The following CDKN2B-AS1 variants were observed in gnomAD, a reference collection of about 807,000 sequenced individuals.
The protein encoded by CDKN2B-AS1 is CDKN2B antisense RNA 1 (non-protein coding).
chr9:22,008,791 C>A (rs1208471868), intron 1 of CDKN2B-AS1: 1 of 1,606,774 alleles, frequency 6.2e-7, no homozygotes, highest in Non-Finnish European at 8.5e-7. Flanking sequence ...CCTGGGGCCC[C>A]AGCTACCTGG....
intron 4 of CDKN2B-AS1, among the ~76,000 whole-genome samples, chr9:22,099,571 T>C (rs947237524): frequency 2.0e-5 from 3 of 152,162 alleles, no homozygotes; most frequent in Admixed American, 6.6e-5. Context: ...TATAATTTCA[T>C]TGGCAGCATT....
intron 1 of CDKN2B-AS1, among the ~76,000 whole-genome samples, chr9:22,042,808 T>G (rs1822952015): frequency 6.6e-6 from 1 of 152,142 alleles, no homozygotes; most frequent in South Asian, 2.1e-4. Flanking sequence ...TGCAAAAGTT[T>G]CTTGAATTCT....
rs1821177128 is a variant in CDKN2B-AS1, at chr9:22,006,192, T to C, written n.29+11031T>C. The C allele has an allele frequency of 6.2e-7, 1 of 1,609,124 alleles. No homozygotes were observed. The highest frequency in any genetic ancestry group is 8.5e-7 in the Non-Finnish European group (1 of 1,179,786). On this transcript the variant is annotated intron_variant and non_coding_transcript_variant, in intron 1 of 4. Coordinates refer to ENST00000650946, the Ensembl canonical transcript of CDKN2B-AS1. This position sits in a 1 kb window ranked among gnomAD's most constrained non-coding sequence, Gnocchi z 6.4. ...AGTGGCAGGGTCTGCGCAGTTGGGC[T>C]CCGCGCCGTGGAGCAGCAGCAGCTC...
chr9:22,012,740 G>C (rs1314282796), intron 1 of CDKN2B-AS1, among the ~76,000 whole-genome samples: 1 of 152,170 alleles, frequency 6.6e-6, no homozygotes, highest in Non-Finnish European at 1.5e-5. Flanking sequence ...TTATAAGTGA[G>C]AAGAGAAGGA....
intron 4 of CDKN2B-AS1, chr9:22,092,187 G>C (rs1395082569): frequency 6.6e-6 from 1 of 152,130 alleles, no homozygotes; most frequent in Non-Finnish European, 1.5e-5. Context: ...TGATCATGGT[G>C]GATAAGCCTT....
intron 4 of CDKN2B-AS1, chr9:22,062,175 A>T (rs1178078950): frequency 6.6e-6 from 1 of 152,208 alleles, no homozygotes; most frequent in East Asian, 1.9e-4. Flanking sequence ...CTGGCTCCCT[A>T]TCAGTTCTAG....
At chr9:22,088,148 G>A (rs552485760) in intron 4 of CDKN2B-AS1, among the ~76,000 whole-genome samples, 6 of 152,108 alleles carry the variant, frequency 3.9e-5, no homozygotes, top group Non-Finnish European at 8.8e-5. Flanking sequence ...ACTTAGGCCT[G>A]GCATCCCAAA....
chr9:22,053,038 T>C (rs1823421101), intron 3 of CDKN2B-AS1, among the ~76,000 whole-genome samples: 1 of 152,212 alleles, frequency 6.6e-6, no homozygotes. Flanking sequence ...GGAGGTTAGG[T>C]TGACTATTTA....
chr9:22,084,538 T>C (rs1824802718), intron 4 of CDKN2B-AS1, among the ~76,000 whole-genome samples: 1 of 150,694 alleles, frequency 6.6e-6, no homozygotes, highest in Non-Finnish European at 1.5e-5. Flanking sequence ...GTAGGCTACA[T>C]TTTTTTTACT....
intron 1 of CDKN2B-AS1, among the ~76,000 whole-genome samples, chr9:22,010,985 A>G (rs889729184): frequency 4.6e-5 from 7 of 152,222 alleles, no homozygotes; most frequent in Non-Finnish European, 8.8e-5. Context: ...ACCAATGACT[A>G]AGTAAAATGA....
chr9:22,118,148 T>G (rs780647848), intron 4 of CDKN2B-AS1: 11 of 152,250 alleles, frequency 7.2e-5, no homozygotes, highest in Non-Finnish European at 1.0e-4. Context: ...CTAGCTCCCT[T>G]GTCATGAGCC....
At chr9:22,042,274 A>G (rs940634245) in intron 1 of CDKN2B-AS1, among the ~76,000 whole-genome samples, 4 of 152,242 alleles carry the variant, frequency 2.6e-5, no homozygotes, top group Non-Finnish European at 5.9e-5. Flanking sequence ...ACAAATATTT[A>G]CCAACCATGT....
At chr9:22,036,712 C>A (rs1822702428) in intron 1 of CDKN2B-AS1, among the ~76,000 whole-genome samples, 1 of 152,112 alleles carries the variant, frequency 6.6e-6, no homozygotes, top group East Asian at 1.9e-4. Flanking sequence ...TCTTGTGTAA[C>A]TCCTCTGCCT....
chr9:22,035,712 A>G (rs1822660035), intron 1 of CDKN2B-AS1, among the ~76,000 whole-genome samples: 2 of 152,156 alleles, frequency 1.3e-5, no homozygotes, highest in African/African-American at 4.8e-5. Context: ...TTTATGCCAC[A>G]TCCTGTGCAT....
chr9:22,101,536 A>G (rs186119474), intron 4 of CDKN2B-AS1, among the ~76,000 whole-genome samples: 184 of 152,292 alleles, frequency 1.2e-3, no homozygotes, highest in African/African-American at 4.3e-3. Context: ...AATATCTATT[A>G]AAGCTTTGTG....
At chr9:22,014,967 C>T (rs1821675681) in intron 1 of CDKN2B-AS1, among the ~76,000 whole-genome samples, 1 of 152,014 alleles carries the variant, frequency 6.6e-6, no homozygotes. Context: ...GCATAGTATT[C>T]CATGGTGTAT....
At chr9:22,112,124 A>G (rs1257962724) in intron 4 of CDKN2B-AS1, 2 of 152,206 alleles carry the variant, frequency 1.3e-5, no homozygotes, top group African/African-American at 4.8e-5. Context: ...CTCATCTTGA[A>G]CTACCAAGGT....
intron 1 of CDKN2B-AS1, among the ~76,000 whole-genome samples, chr9:22,045,505 C>T (rs1282109793): frequency 6.6e-6 from 1 of 152,024 alleles, no homozygotes; most frequent in Non-Finnish European, 1.5e-5. Context: ...AGTATTATCT[C>T]AGCAAATGTA....
chr9:22,019,924 C>G (rs763967688), intron 1 of CDKN2B-AS1, among the ~76,000 whole-genome samples: 1 of 152,044 alleles, frequency 6.6e-6, no homozygotes, highest in Non-Finnish European at 1.5e-5. Context: ...ATAGGTTAAA[C>G]TTCTGTCATG....
Sources: gnomAD v4.1 joint callset for allele counts (sites outside exome capture counted in the v4.1 genomes callset) on GRCh38, gnomAD v4.1.1 for gene constraint, Gnocchi (gnomAD v3.1) non-coding constraint, MANE v1.5 for transcripts, NCBI Gene and HGNC (gene_info 2026-07-23, HGNC 2026-07-21) for gene names.